The following KIF13A variants were observed in gnomAD, a reference collection of about 807,000 sequenced individuals.
The protein encoded by KIF13A is kinesin-like protein KIF13A.
KIF13A carries 79 observed loss-of-function variants against 212.2 expected under a neutral mutation model. The observed-to-expected ratio is 0.37, with a 90% CI of 0.31 to 0.45. The LOEUF (loss-of-function observed/expected upper bound fraction) is 0.45. Among genes scored for constraint, KIF13A ranks in the 20% least tolerant of loss-of-function variants. The pLI is 1.00. For synonymous variants in KIF13A, 789 were observed against 808.6 expected, an observed-to-expected ratio of 0.98 and a Z score of 0.41; for missense variants, 1,901 against 2,209.0, an observed-to-expected ratio of 0.86 and a Z score of 2.79.
At chr6:17,905,608 A>G (rs1402709155) in intron 2 of KIF13A, among the ~76,000 whole-genome samples, 1 of 152,248 alleles carries the variant, frequency 6.6e-6, no homozygotes, top group Non-Finnish European at 1.5e-5. Flanking sequence ...CTCTCCAAAA[A>G]AGCGGGGGAT....
intron 17 of KIF13A, among the ~76,000 whole-genome samples, chr6:17,815,401 A>C (rs1258618563): frequency 3.3e-5 from 5 of 151,782 alleles, no homozygotes; most frequent in Non-Finnish European, 7.4e-5. Context: ...GAAAAGGGAG[A>C]CTCCCTTTCC....
downstream of KIF13A, among the ~76,000 whole-genome samples, chr6:17,762,697 G>T (rs527447200): frequency 1.3e-5 from 2 of 152,290 alleles, no homozygotes; most frequent in Non-Finnish European, 2.9e-5. Flanking sequence ...CTTTAATCCA[G>T]GTAAAGAAAG....
chr6:17,845,912 CGT>C (rs1355774269), intron 9 of KIF13A, among the ~76,000 whole-genome samples: 1 of 152,074 alleles, frequency 6.6e-6, no homozygotes, highest in Non-Finnish European at 1.5e-5. Context: ...CAGACACTGA[CGT>C]TTGTGTGAAG....
At chr6:17,975,515 A>G (rs1348099809) in intron 2 of KIF13A, among the ~76,000 whole-genome samples, 1 of 152,176 alleles carries the variant, frequency 6.6e-6, no homozygotes, top group Non-Finnish European at 1.5e-5. Context: ...CCAAAAAGGG[A>G]GCAGCAACAT....
At chr6:17,817,907 T>A (rs1764092083) in intron 16 of KIF13A, among the ~76,000 whole-genome samples, 1 of 152,066 alleles carries the variant, frequency 6.6e-6, no homozygotes, top group Admixed American at 6.6e-5. Context: ...GGTGAAAAGG[T>A]ATAGATGTAC....
At position 17,914,562 on chromosome 6, in the gene KIF13A, C is replaced by T. The variant is rs1774339411; in HGVS notation, c.147-16382G>A. Among the ~76,000 whole-genome samples the T allele has an allele frequency of 1.3e-5, 2 of 152,124 alleles. No individual in the cohort carries two copies. Among genetic ancestry groups the T allele is most frequent in the South Asian group, 4.1e-4 (2 of 4,824 alleles). On this transcript the variant is annotated intron_variant, in intron 2 of 38. Transcript: ENST00000259711. The surrounding 1 kb of genome is among the most constrained non-coding windows in gnomAD (Gnocchi z 5.9). Reference sequence around the variant, plus strand: ...TGACATTATTTTATGAAATCACTATCCACCAATAACGGATCCTCAGCCCTT... The same window carrying T: ...TGACATTATTTTATGAAATCACTATTCACCAATAACGGATCCTCAGCCCTT...
chr6:17,826,006 C>A lies in KIF13A; in HGVS notation c.1619+32G>T. On this transcript the variant is annotated intron_variant, in intron 15 of 38. Coordinates refer to ENST00000259711, the MANE Select transcript of KIF13A (RefSeq NM_022113.6). The surrounding 1 kb of genome is among the most constrained non-coding windows in gnomAD (Gnocchi z 4.7). ...AAATAGATAACAGAAAAAATGTATA[C>A]GAAAATATATTACAGAACACAAAGA... The A allele has an allele frequency of 1.2e-6, 2 of 1,610,238 alleles. No homozygotes were observed. Among genetic ancestry groups the A allele is most frequent in the Non-Finnish European group, 1.7e-6 (2 of 1,177,110 alleles).
At chr6:17,802,830 C>T (rs1272867543) in intron 20 of KIF13A, among the ~76,000 whole-genome samples, 3 of 151,948 alleles carry the variant, frequency 2.0e-5, no homozygotes, top group African/African-American at 7.3e-5. Context: ...GCTGCTTAGA[C>T]CTACCTGGGC....
chr6:17,800,222 G>T, intron 20 of KIF13A, 109 bp from the exon 21 acceptor site: 1 of 1,057,704 alleles, frequency 9.5e-7, no homozygotes, highest in Non-Finnish European at 1.3e-6. Flanking sequence ...CTCTGCAGCT[G>T]CTGCTTGGTC....
At chr6:17,868,549 CT>C (rs1315539235) in intron 4 of KIF13A, among the ~76,000 whole-genome samples, 1 of 134,676 alleles carries the variant, frequency 7.4e-6, no homozygotes, top group Non-Finnish European at 1.6e-5. Flanking sequence ...CAGGTTATTT[CT>C]GTTTTTTTTT....
At chr6:17,820,037 T>C (rs1002719106) in intron 16 of KIF13A, among the ~76,000 whole-genome samples, 9 of 152,050 alleles carry the variant, frequency 5.9e-5, no homozygotes, top group African/African-American at 2.2e-4. Flanking sequence ...AGATATATAA[T>C]CCACATTTCC....
chr6:17,791,104 ACTG>A (rs1372816814), intron 25 of KIF13A, among the ~76,000 whole-genome samples: 2 of 151,502 alleles, frequency 1.3e-5, no homozygotes, highest in Non-Finnish European at 2.9e-5. Flanking sequence ...TTCAAAATGA[ACTG>A]CTTTTTTTTT....
At position 17,773,435 on chromosome 6, in the gene KIF13A, G is replaced by A. The variant is rs756895730; in HGVS notation, c.4324+43C>T. On this transcript the variant is annotated intron_variant, in intron 36 of 38. Coordinates refer to ENST00000259711, the MANE Select transcript of KIF13A (RefSeq NM_022113.6). The surrounding 1 kb of genome is among the most constrained non-coding windows in gnomAD (Gnocchi z 4.2). ...AGACATTTTTTCATACTTTTTCTAA[G>A]TAATTACAAAGAAATATCACTGCAA... The A allele has an allele frequency of 1.8e-6, 2 of 1,125,736 alleles. No individual in the cohort carries two copies. The highest frequency in any genetic ancestry group is 2.4e-5 in the East Asian group (1 of 42,216). The allele number at this position is 1,125,736 out of a possible 1,614,324, so 69.7% of individuals were successfully genotyped here. A position where few individuals can be genotyped will look rare whatever the true frequency, so the allele number is the denominator to read the frequency against.
rs2150464585 is a variant in KIF13A at position 17,888,234 on chromosome 6, CT to C, written c.159+9933del. On this transcript the variant is annotated intron_variant, in intron 3 of 38. Coordinates refer to ENST00000259711, the MANE Select transcript of KIF13A (RefSeq NM_022113.6). This position sits in a 1 kb window ranked among gnomAD's most constrained non-coding sequence, Gnocchi z 4.8. ...TATGAATTCTAGAAAACAAAAACTA[CT>C]AGTTTAGTCACTCTTGAGCCTAGGA... 6.6e-6 allele frequency among the ~76,000 whole-genome samples: 1 copy of C among 152,238 alleles called. No individual in the cohort carries two copies. Among genetic ancestry groups the C allele is most frequent in the East Asian group, 1.9e-4 (1 of 5,180 alleles).
rs753152754 is a variant in KIF13A, at chr6:17,837,498, C to G, written c.916G>C (p.Asp306His). ...KGKSKFVPYR[D>H]SVLTWLLKDN... ...TTAAGCAGCCAAGTGAGGACTGAAT[C>G]TCGATAAGGCACAAATTTGCTTTTA... The change falls in exon 10 of 39, where the codon GAT (aspartate) becomes CAT (histidine). Residue 306 changes from aspartate (D) to histidine (H), a missense_variant. This residue lies in a region of KIF13A where 506 missense variants were observed against 637.4 expected (regional missense o/e 0.79). Coordinates refer to ENST00000259711, the MANE Select transcript of KIF13A (RefSeq NM_022113.6). This position sits in a 1 kb window ranked among gnomAD's most constrained non-coding sequence, Gnocchi z 5.4. The G allele has an allele frequency of 6.2e-7, 1 of 1,606,802 alleles. No homozygotes were observed. The highest frequency in any genetic ancestry group is 1.3e-5 in the African/African-American group (1 of 74,820).
chr6:17,778,868 T>C, intron 33 of KIF13A, 79 bp downstream of exon 33: 1 of 1,483,716 alleles, frequency 6.7e-7, no homozygotes, highest in Non-Finnish European at 9.2e-7. Context: ...AGTGAGGTGT[T>C]TGGTAAGTAA....
chr6:17,851,547 T>C lies in KIF13A; in HGVS notation c.582+408A>G, dbSNP rs112363084. Among the ~76,000 whole-genome samples, 6 of 152,196 alleles carry C rather than the reference T, an allele frequency of 3.9e-5. 1 individual carries two copies. Among genetic ancestry groups the C allele is most frequent in the African/African-American group, 1.4e-4 (6 of 41,526 alleles). On this transcript the variant is annotated intron_variant, in intron 7 of 38. Transcript: ENST00000259711. ...GGCCGGTCAATGGCAAGAGGAGTGATTCAGAAAAACAGGAGAGCCAGAAGT... is the reference window on the plus strand; with the variant it reads ...GGCCGGTCAATGGCAAGAGGAGTGACTCAGAAAAACAGGAGAGCCAGAAGT...
At chr6:17,943,763 T>C (rs1777145552) in intron 2 of KIF13A, among the ~76,000 whole-genome samples, 1 of 152,164 alleles carries the variant, frequency 6.6e-6, no homozygotes, top group African/African-American at 2.4e-5. Context: ...GTTTTGGTAA[T>C]TTACAACTCA....
Position 17,952,452 on chromosome 6 carries a change from G to A in KIF13A, c.146+34602C>T, listed in dbSNP as rs115402235. Among the ~76,000 whole-genome samples, 393 of 151,968 alleles carry A rather than the reference G, an allele frequency of 2.6e-3. 2 individuals carry two copies. Among genetic ancestry groups the A allele is most frequent in the African/African-American group, 9.1e-3 (378 of 41,452 alleles). ...GTTTGAGACCAGGCTGGGCAACATG[G>A]CAAGATTCTGCCTCTACAAAAAATT... On this transcript the variant is annotated intron_variant, in intron 2 of 38. Transcript: ENST00000259711.
Sources: gnomAD v4.1 joint callset for allele counts (sites outside exome capture counted in the v4.1 genomes callset) on GRCh38, gnomAD v4.1.1 for gene constraint, gnomAD v4.1.1 regional missense constraint, Gnocchi (gnomAD v3.1) non-coding constraint, MANE v1.5 for transcripts, NCBI Gene and HGNC (gene_info 2026-07-23, HGNC 2026-07-21) for gene names.